Variants in PML observed in about 807,000 individuals in gnomAD.
The protein encoded by PML is protein PML.
PML carries 28 observed loss-of-function variants against 65.2 expected under a neutral mutation model. The observed-to-expected ratio is 0.43, with a 90% CI of 0.32 to 0.59. The LOEUF (loss-of-function observed/expected upper bound fraction) is 0.59, where lower values mean the gene tolerates loss of function less well. Ranked by LOEUF, PML falls within the 20% of genes least tolerant of loss-of-function variation. PML has a pLI of 0.08. For synonymous variants in PML, 500 were observed against 508.8 expected, an observed-to-expected ratio of 0.98 and a Z score of 0.23; for missense variants, 1,021 against 1,203.4, an observed-to-expected ratio of 0.85 and a Z score of 2.24.
chr15:74,003,480 T>G (rs1348711189), intron 2 of PML, among the ~76,000 whole-genome samples: 1 of 152,082 alleles, frequency 6.6e-6, no homozygotes, highest in Non-Finnish European at 1.5e-5. Flanking sequence ...ACATGCACAC[T>G]CTAGAACCTA....
Position 74,047,343 on chromosome 15 carries a change from C to T in PML, c.*2335C>T, listed in dbSNP as rs529676784. The T allele has an allele frequency of 8.7e-6, 2 of 230,858 alleles. No individual in the cohort carries two copies. Among genetic ancestry groups the T allele is most frequent in the Non-Finnish European group, 1.7e-5 (2 of 116,524 alleles). The allele number at this position is 230,858 out of a possible 1,614,324, so 14.3% of individuals were successfully genotyped here. On this transcript the variant is annotated 3_prime_UTR_variant, in exon 9 of 9. Coordinates refer to ENST00000268058, the MANE Select transcript of PML (RefSeq NM_033238.3). The stretch of plus-strand genomic sequence containing the variant: ...TTAGTCCACCACTGGCGTGGGTGAG[C>T]AGCCAGGTAATGGGAATTGATCAGT...
At position 74,035,608 on chromosome 15, in the gene PML, A is replaced by G. The variant is rs140648301; in HGVS notation, c.1710+1078A>G. 1,310 of 1,613,210 alleles carry G rather than the reference A, an allele frequency of 8.1e-4. 1 individual carries two copies. Among genetic ancestry groups the G allele is most frequent in the Non-Finnish European group, 9.8e-4 (1,156 of 1,179,992 alleles). On this transcript the variant is annotated intron_variant, in intron 7 of 8. Coordinates refer to ENST00000268058, the MANE Select transcript of PML (RefSeq NM_033238.3). This position sits in a 1 kb window ranked among gnomAD's most constrained non-coding sequence, Gnocchi z 4.1. ...GCCCAGGAACATCCTGCCCAGCTGCAAAGGGGCATCAGCCCACCCCACCGG... is the reference window on the plus strand; with the variant it reads ...GCCCAGGAACATCCTGCCCAGCTGCGAAGGGGCATCAGCCCACCCCACCGG...
rs566901734 is a variant in PML at position 73,995,494 on chromosome 15, C to G, written c.129+553C>G. On this transcript the variant is annotated intron_variant, in intron 1 of 8. Coordinates refer to ENST00000268058, the MANE Select transcript of PML (RefSeq NM_033238.3). The stretch of plus-strand genomic sequence containing the variant: ...CCCTTCTCTTGCCACACCTTTCCTG[C>G]CCACCTCCCACCTCCCCCGACAAAG... Among the ~76,000 whole-genome samples the G allele has an allele frequency of 3.9e-5, 6 of 152,334 alleles. No individual in the cohort carries two copies. The South Asian group carries it at 1.2e-3, about 32-fold the overall frequency.
intron 3 of PML, among the ~76,000 whole-genome samples, chr15:74,023,928 C>T (rs1353428221): frequency 2.0e-5 from 3 of 152,148 alleles, no homozygotes; most frequent in Non-Finnish European, 2.9e-5. Context: ...AACCTTTGCG[C>T]GCCCTGCCTA....
In PML at chr15:74,023,010, A is replaced by G; in HGVS notation, c.785A>G (p.His262Arg). The G allele has an allele frequency of 1.9e-6, 3 of 1,608,184 alleles. No individual in the cohort carries two copies. Among genetic ancestry groups the G allele is most frequent in the East Asian group, 2.2e-5 (1 of 44,798 alleles). The change falls in exon 3 of 9, where the codon CAC (histidine) becomes CGC (arginine). Residue 262 changes from histidine (H) to arginine (R), a missense_variant. His to Arg is a conservative substitution (Grantham distance 29). Transcript: ENST00000268058. ...SAFGAVHAQM[H>R]AAVGQLGRAR... ...TTTGGCGCGGTTCACGCGCAGATGC[A>G]CGCGGCCGTCGGCCAGCTGGGCCGC...
At chr15:74,019,992 G>T (rs1329271141) in intron 2 of PML, among the ~76,000 whole-genome samples, 1 of 152,208 alleles carries the variant, frequency 6.6e-6, no homozygotes, top group Non-Finnish European at 1.5e-5. Flanking sequence ...TGAATATATT[G>T]TATGGATATC....
chr15:74,042,716 C>T lies in PML; in HGVS notation c.1711-273C>T, dbSNP rs1232102346. 3.0e-6 allele frequency: 3 copies of T among 985,310 alleles called. No homozygotes were observed. Among genetic ancestry groups the T allele is most frequent in the Non-Finnish European group, 3.6e-6 (3 of 829,946 alleles). 61.0% of individuals were successfully genotyped at this position (985,310 alleles called of 1,614,324 possible). A position where few individuals can be genotyped will look rare whatever the true frequency, so the allele number is the denominator to read the frequency against. On this transcript the variant is annotated intron_variant, in intron 7 of 8. Coordinates refer to ENST00000268058, the MANE Select transcript of PML (RefSeq NM_033238.3). This position sits in a 1 kb window ranked among gnomAD's most constrained non-coding sequence, Gnocchi z 5.3. The stretch of plus-strand genomic sequence containing the variant: ...TTTAGCACTTGGATTCATTCCCACA[C>T]ATGCACGTTCACAACCTGTGTGTGT...
At position 74,035,492 on chromosome 15, in the gene PML, A is replaced by G; in HGVS notation, c.1710+962A>G. 1 of 1,611,950 alleles carries G rather than the reference A, an allele frequency of 6.2e-7. No homozygotes were observed. The highest frequency in any genetic ancestry group is 8.5e-7 in the Non-Finnish European group (1 of 1,179,844). ...GCCATGCCCTCCGCTTGCACCCTCA[A>G]TTGCATCGGGCCCCTATTCGGACTT... On this transcript the variant is annotated intron_variant, in intron 7 of 8. Transcript: ENST00000268058. This position sits in a 1 kb window ranked among gnomAD's most constrained non-coding sequence, Gnocchi z 4.1.
At chr15:74,017,460 G>A (rs566879611) in intron 2 of PML, among the ~76,000 whole-genome samples, 32 of 151,094 alleles carry the variant, frequency 2.1e-4, no homozygotes, top group Non-Finnish European at 3.4e-4. Context: ...CAGCCTGGCC[G>A]GCATGGTGAA....
chr15:74,042,445 G>T lies in PML; in HGVS notation c.1711-544G>T. On this transcript the variant is annotated intron_variant, in intron 7 of 8. Coordinates refer to ENST00000268058, the MANE Select transcript of PML (RefSeq NM_033238.3). This position sits in a 1 kb window ranked among gnomAD's most constrained non-coding sequence, Gnocchi z 5.3. ...CGACCCCTTCCAAAGAATCATCTGG[G>T]GTTCAAGATGAGGCTTCTTTCTCCC... 5.1e-6 allele frequency: 5 copies of T among 985,328 alleles called. No individual in the cohort carries two copies. The highest frequency in any genetic ancestry group is 6.0e-6 in the Non-Finnish European group (5 of 829,848). 61.0% of individuals were successfully genotyped at this position (985,328 alleles called of 1,614,324 possible). A position where few individuals can be genotyped will look rare whatever the true frequency, so the allele number is the denominator to read the frequency against.
rs1442890726 is a variant in PML, at chr15:74,044,779, AG to A, written c.2421del (p.Glu807AspfsTer3). 6.2e-7 allele frequency: 1 copy of A among 1,613,032 alleles called. No individual in the cohort carries two copies. On this transcript the variant is annotated frameshift_variant, in exon 9 of 9. Coordinates refer to ENST00000268058, the MANE Select transcript of PML (RefSeq NM_033238.3). LOFTEE classifies it low-confidence loss of function (END_TRUNC). ...LLALHNVSFM[E>X]LLSAHRRDRQ... ...GCCCTACACAACGTGAGCTTCATGG[AG>A]CTGCTGAGTGCACACCGCCGTGACC...
Position 74,022,926 on chromosome 15 carries a change from A to G in PML, c.701A>G (p.Gln234Arg). The G allele has an allele frequency of 1.2e-6, 2 of 1,612,530 alleles. No homozygotes were observed. Among genetic ancestry groups the G allele is most frequent in the Non-Finnish European group, 1.7e-6 (2 of 1,179,444 alleles). ...ELKCDISAEI[Q>R]QRQEELDAMT... Reference sequence around the variant, plus strand: ...AAGTGCGACATCAGCGCAGAGATCCAGCAGCGACAGGAGGAGCTGGACGCC... The same window carrying G: ...AAGTGCGACATCAGCGCAGAGATCCGGCAGCGACAGGAGGAGCTGGACGCC... Residue 234 changes from glutamine to arginine, a missense_variant, in exon 3 of 9, where the codon CAG (glutamine) becomes CGG (arginine). Physicochemically the swap from Gln to Arg is conservative, Grantham distance 43. Transcript: ENST00000268058.
intron 2 of PML, among the ~76,000 whole-genome samples, chr15:74,010,185 A>ATTTTTTTTT (rs536738558): frequency 0.076 from 5,887 of 77,558 alleles, 666 homozygotes; most frequent in Non-Finnish European, 0.11. Context: ...TGCCCAGCTA[A>ATTTTTTTTT]TTTTTTTTTT....
At chr15:74,040,319 G>A (rs929079261) in intron 7 of PML, among the ~76,000 whole-genome samples, 18 of 152,016 alleles carry the variant, frequency 1.2e-4, no homozygotes, top group Non-Finnish European at 1.9e-4. Context: ...CTTGATTCCC[G>A]GTCCTCACAC....
At chr15:74,008,904 C>T (rs1362368335) in intron 2 of PML, among the ~76,000 whole-genome samples, 4 of 152,152 alleles carry the variant, frequency 2.6e-5, no homozygotes, top group South Asian at 4.1e-4. Flanking sequence ...CCCCATTCCA[C>T]GGAGAATTTG....
At chr15:74,009,937 C>T (rs187256376) in intron 2 of PML, among the ~76,000 whole-genome samples, 67 of 152,254 alleles carry the variant, frequency 4.4e-4, no homozygotes, top group Non-Finnish European at 1.8e-4. Context: ...GGCCAATCGC[C>T]TCTACTTTCT....
In PML at chr15:74,043,066, G is replaced by T. The variant is rs769207599; in HGVS notation, c.1788G>T (p.Leu596=). 2.5e-6 allele frequency: 4 copies of T among 1,613,482 alleles called. No homozygotes were observed. Among genetic ancestry groups the T allele is most frequent in the Non-Finnish European group, 3.4e-6 (4 of 1,179,908 alleles). Residue 596 remains leucine, a synonymous_variant, in exon 8 of 9, where the codon CTG becomes CTT. Coordinates refer to ENST00000268058, the MANE Select transcript of PML (RefSeq NM_033238.3). The surrounding 1 kb of genome is among the most constrained non-coding windows in gnomAD (Gnocchi z 4.3). Reference sequence around the variant, plus strand: ...AAGGCCCCAGCACCCTCAGGGTCCTGGACGAGAACCTTGCTGACCCCCAAG... The same window carrying T: ...AAGGCCCCAGCACCCTCAGGGTCCTTGACGAGAACCTTGCTGACCCCCAAG... ...QLEGPSTLRV[L]DENLADPQAE...
Position 74,043,012 on chromosome 15 carries a change from C to T in PML, c.1734C>T (p.Ser578=), listed in dbSNP as rs777622219. Residue 578 remains serine, a synonymous_variant, in exon 8 of 9, where the codon AGC becomes AGT. Coordinates refer to ENST00000268058, the MANE Select transcript of PML (RefSeq NM_033238.3). The surrounding 1 kb of genome is among the most constrained non-coding windows in gnomAD (Gnocchi z 4.3). ...ENSSSRELDD[S]SSESSDLQLE... ...AGTCCTCCCGAGAGCTGGATGACAG[C>T]AGCAGTGAGTCCAGTGACCTCCAGC... is the stretch of plus-strand genomic sequence containing the variant. 4 of 1,613,584 alleles carry T rather than the reference C, an allele frequency of 2.5e-6. No individual in the cohort carries two copies. In the Admixed American group the frequency reaches 6.7e-5, roughly 27 times the overall value.
At position 74,044,503 on chromosome 15, in the gene PML, G is replaced by A. The variant is rs762869380; in HGVS notation, c.2144G>A (p.Arg715Gln). The A allele has an allele frequency of 2.3e-5, 37 of 1,613,968 alleles. No homozygotes were observed. In the East Asian group the frequency reaches 3.1e-4, roughly 14 times the overall value. ...TTCCTGGCTGCCCTGCCTCTCATCC[G>A]GGAGCGTGTGCCCGGGGCCAGCAGC... ...SGFLAALPLIRERVPGASSFK... is the reference protein window; with the variant it reads ...SGFLAALPLIQERVPGASSFK... Residue 715 changes from arginine (R) to glutamine (Q), a missense_variant, in exon 9 of 9, where the codon CGG becomes CAG. Transcript: ENST00000268058.
Sources: gnomAD v4.1 joint callset for allele counts (sites outside exome capture counted in the v4.1 genomes callset) on GRCh38, gnomAD v4.1.1 for gene constraint, Gnocchi (gnomAD v3.1) non-coding constraint, MANE v1.5 for transcripts, NCBI Gene and HGNC (gene_info 2026-07-23, HGNC 2026-07-21) for gene names.